Variants in NOTO observed in about 807,000 individuals in gnomAD.
NOTO encodes the protein homeobox protein notochord.
A neutral mutation model predicts 20.5 loss-of-function variants in NOTO; 19 were observed. The observed-to-expected ratio is 0.93, with a 90% CI of 0.65 to 1.36. The LOEUF (loss-of-function observed/expected upper bound fraction) is 1.36. Among genes scored for constraint, NOTO ranks in the 40% most tolerant of loss-of-function variants. The pLI is 0.00. For missense variants in NOTO, 369 were observed against 336.2 expected, an observed-to-expected ratio of 1.10 and a Z score of -0.76; for synonymous variants, 150 against 150.2, an observed-to-expected ratio of 1.00 and a Z score of 0.01.
At chr2:73,207,348 C>G (rs955286886) in intron 1 of NOTO, among the ~76,000 whole-genome samples, 2 of 152,176 alleles carry the variant, frequency 1.3e-5, no homozygotes, top group African/African-American at 4.8e-5. Context: ...CTCCCCAAGG[C>G]TAGTGGGGGC....
rs745707352 is a variant in NOTO, at chr2:73,202,967, G to C, written c.301G>C (p.Ala101Pro). 108 of 1,508,740 alleles carry C rather than the reference G, an allele frequency of 7.2e-5. No homozygotes were observed. Among genetic ancestry groups the C allele is most frequent in the Non-Finnish European group, 9.2e-5 (104 of 1,132,296 alleles). 93.5% of individuals were successfully genotyped at this position (1,508,740 alleles called of 1,614,324 possible). The stretch of plus-strand genomic sequence containing the variant: ...GGCTTGCCCGACATCGTGGCTGCCC[G>C]CCTACCTGAGCGTAGGTTTTTACCC... ...PWACPTSWLP[A>P]YLSVGFYPVP... The change falls in exon 1 of 3, where the codon GCC becomes CCC. Residue 101 changes from alanine to proline, a missense_variant. Coordinates refer to ENST00000398468, the MANE Select transcript of NOTO (RefSeq NM_001134462.2).
At chr2:73,206,727 T>C (rs868438273) in intron 1 of NOTO, among the ~76,000 whole-genome samples, 12 of 151,752 alleles carry the variant, frequency 7.9e-5, no homozygotes, top group African/African-American at 2.7e-4. Flanking sequence ...CAGAAGTACA[T>C]TGTCTTGCCC....
At position 73,210,778 on chromosome 2, in the gene NOTO, T is replaced by C; in HGVS notation, c.605T>C (p.Val202Ala). The change falls in exon 3 of 3, where the codon GTC (valine) becomes GCC (alanine). Residue 202 changes from valine to alanine, a missense_variant. Coordinates refer to ENST00000398468, the MANE Select transcript of NOTO (RefSeq NM_001134462.2). ...CCCACTCTCCAATTATAGGTGAGAG[T>C]CTGGTTCCAGAACCGCAGGGTCAAG... ...RLKLTENQVR[V>A]WFQNRRVKYQ... 3 of 1,549,886 alleles carry C rather than the reference T, an allele frequency of 1.9e-6. No individual in the cohort carries two copies. The South Asian group carries it at 3.6e-5, about 18-fold the overall frequency.
Position 73,211,160 on chromosome 2 carries a change from G to T in NOTO, c.*231G>T, listed in dbSNP as rs540575089. On this transcript the variant is annotated 3_prime_UTR_variant, in exon 3 of 3. Coordinates refer to ENST00000398468, the MANE Select transcript of NOTO (RefSeq NM_001134462.2). ...TCCTTGGCCAACCTATGGAACTTCC[G>T]AGCCTTTTTTCTTTATCTGTATAAT... 6.1e-6 allele frequency: 3 copies of T among 488,718 alleles called. No homozygotes were observed. The highest frequency in any genetic ancestry group is 7.3e-6 in the Non-Finnish European group (2 of 275,658). The allele number at this position is 488,718 out of a possible 1,614,324, so 30.3% of individuals were successfully genotyped here.
intron 1 of NOTO, among the ~76,000 whole-genome samples, chr2:73,205,420 C>T (rs1406971218): frequency 1.3e-5 from 2 of 152,130 alleles, no homozygotes; most frequent in Admixed American, 1.3e-4. Context: ...ATTGCTTGTG[C>T]CTGGGAGGCA....
chr2:73,202,761 C>G lies in NOTO; in HGVS notation c.95C>G (p.Ser32Cys). The G allele has an allele frequency of 6.6e-7, 1 of 1,521,122 alleles. No individual in the cohort carries two copies. Among genetic ancestry groups the G allele is most frequent in the Non-Finnish European group, 8.8e-7 (1 of 1,140,326 alleles). The allele number at this position is 1,521,122 out of a possible 1,614,324, so 94.2% of individuals were successfully genotyped here. ...PRSGRSPAPR[S>C]PTGPNTPRAP... is the part of the protein sequence containing the mutation. ...TCTGGCCGCTCTCCGGCGCCCAGGT[C>G]CCCTACTGGCCCGAACACGCCCCGC... is the stretch of plus-strand genomic sequence containing the variant. Residue 32 changes from serine (S) to cysteine (C), a missense_variant, in exon 1 of 3, where the codon TCC (serine) becomes TGC (cysteine). By Grantham distance (112) the Ser-to-Cys change is moderately radical. Coordinates refer to ENST00000398468, the MANE Select transcript of NOTO (RefSeq NM_001134462.2).
chr2:73,210,192 C>T (rs1412290816), intron 2 of NOTO, among the ~76,000 whole-genome samples: 1 of 152,166 alleles, frequency 6.6e-6, no homozygotes, highest in Non-Finnish European at 1.5e-5. Flanking sequence ...GATCTGGCAC[C>T]CGCTGACCTC....
At chr2:73,208,660 A>G in intron 2 of NOTO, 46 bp downstream of exon 2, 1 of 1,220,782 alleles carries the variant, frequency 8.2e-7, no homozygotes, top group Non-Finnish European at 1.2e-6. Flanking sequence ...CCTGGGGACA[A>G]ACACTACCTC....
rs1410330911 is a variant in NOTO, at chr2:73,210,869, T to C, written c.696T>C (p.Pro232=). The part of the protein sequence containing the change: ...TSAEAASLDE[P]SSSSIASIQS... ...CCGAGGCTGCCTCCCTGGATGAGCC[T>C]TCCAGCAGCTCCATCGCCAGTATCC... Residue 232 remains proline, a synonymous_variant, in exon 3 of 3, where the codon CCT becomes CCC. Transcript: ENST00000398468. 1 of 1,551,542 alleles carries C rather than the reference T, an allele frequency of 6.4e-7. No individual in the cohort carries two copies. Among genetic ancestry groups the C allele is most frequent in the African/African-American group, 1.4e-5 (1 of 73,054 alleles).
intron 1 of NOTO, 46 bp downstream of exon 1, chr2:73,203,094 G>A: frequency 9.5e-6 from 13 of 1,362,892 alleles, no homozygotes; most frequent in Non-Finnish European, 1.2e-5. Flanking sequence ...GGCGGGGGCT[G>A]GAGAGCCTAG....
rs989902827 is a variant in NOTO at position 73,210,841 on chromosome 2, C to G, written c.668C>G (p.Ser223Cys). ...CAAAAGCTGAGGGCAGCAGTTACAT[C>G]TGCCGAGGCTGCCTCCCTGGATGAG... ...KQQKLRAAVTSAEAASLDEPS... is the reference protein window; with the variant it reads ...KQQKLRAAVTCAEAASLDEPS... Residue 223 changes from serine to cysteine, a missense_variant, in exon 3 of 3, where the codon TCT (serine) becomes TGT (cysteine). Physicochemically the swap from Ser to Cys is moderately radical, Grantham distance 112. Coordinates refer to ENST00000398468, the MANE Select transcript of NOTO (RefSeq NM_001134462.2). 12 of 1,551,648 alleles carry G rather than the reference C, an allele frequency of 7.7e-6. No individual in the cohort carries two copies. The highest frequency in any genetic ancestry group is 1.7e-4 in the Middle Eastern group (1 of 5,992).
Position 73,202,906 on chromosome 2 carries a change from C to T in NOTO, c.240C>T (p.Thr80=), listed in dbSNP as rs1473837884. ...GSACVHPAFW[T]AASLCATGGL... ...CCTGCGTCCACCCGGCCTTCTGGAC[C>T]GCTGCTTCCCTGTGCGCCACCGGGG... The change falls in exon 1 of 3, where the codon ACC becomes ACT. Residue 80 remains threonine (T), a synonymous_variant. Coordinates refer to ENST00000398468, the MANE Select transcript of NOTO (RefSeq NM_001134462.2). The T allele has an allele frequency of 3.3e-6, 5 of 1,526,888 alleles. No individual in the cohort carries two copies. Among genetic ancestry groups the T allele is most frequent in the Non-Finnish European group, 4.4e-6 (5 of 1,141,734 alleles). The allele number at this position is 1,526,888 out of a possible 1,614,324, so 94.6% of individuals were successfully genotyped here.
intron 1 of NOTO, among the ~76,000 whole-genome samples, chr2:73,203,476 A>C (rs1328813866): frequency 1.4e-5 from 2 of 147,406 alleles, no homozygotes; most frequent in Admixed American, 6.7e-5. Context: ...TTTTTTTTTT[A>C]CGGGGTAGGG....
intron 1 of NOTO, among the ~76,000 whole-genome samples, chr2:73,205,523 T>A (rs1377044527): frequency 6.6e-6 from 1 of 152,240 alleles, no homozygotes; most frequent in Admixed American, 6.5e-5. Flanking sequence ...AAATTAGCCC[T>A]TTAACTGTAA....
intron 2 of NOTO, among the ~76,000 whole-genome samples, chr2:73,208,983 A>C (rs531640103): frequency 6.6e-6 from 1 of 152,044 alleles, no homozygotes; most frequent in African/African-American, 2.4e-5. Flanking sequence ...TCAGGAGTTC[A>C]AGACCAGCCC....
chr2:73,208,055 T>C (rs1411302186), intron 1 of NOTO, among the ~76,000 whole-genome samples: 20 of 152,248 alleles, frequency 1.3e-4, no homozygotes, highest in Admixed American at 1.3e-3. Flanking sequence ...GTCTCTTCTC[T>C]GCCCATTCCA....
At chr2:73,205,997 A>C (rs1686083838) in intron 1 of NOTO, among the ~76,000 whole-genome samples, 1 of 152,134 alleles carries the variant, frequency 6.6e-6, no homozygotes, top group Admixed American at 6.5e-5. Context: ...TCAGCCTCCC[A>C]AACTGCTGGG....
chr2:73,202,881 C>A lies in NOTO; in HGVS notation c.215C>A (p.Ala72Asp). 6.5e-7 allele frequency: 1 copy of A among 1,527,760 alleles called. No homozygotes were observed. Among genetic ancestry groups the A allele is most frequent in the South Asian group, 1.2e-5 (1 of 83,140 alleles). 94.6% of individuals were successfully genotyped at this position (1,527,760 alleles called of 1,614,324 possible). A position where few individuals can be genotyped will look rare whatever the true frequency, so the allele number is the denominator to read the frequency against. ...GCGGCCTCCCAGCCGTCGGGCTCCG[C>A]CTGCGTCCACCCGGCCTTCTGGACC... ...APAASQPSGS[A>D]CVHPAFWTAA... Residue 72 changes from alanine (A) to aspartate (D), a missense_variant, in exon 1 of 3, where the codon GCC becomes GAC. By Grantham distance (126) the Ala-to-Asp change is moderately radical. Coordinates refer to ENST00000398468, the MANE Select transcript of NOTO (RefSeq NM_001134462.2).
In NOTO at chr2:73,210,944, G is replaced by A. The variant is rs1272941189; in HGVS notation, c.*15G>A. 2 of 1,543,544 alleles carry A rather than the reference G, an allele frequency of 1.3e-6. No homozygotes were observed. Among genetic ancestry groups the A allele is most frequent in the Non-Finnish European group, 1.8e-6 (2 of 1,141,408 alleles). On this transcript the variant is annotated 3_prime_UTR_variant, in exon 3 of 3. Transcript: ENST00000398468. ...TGGACGGCTGAAGACTGGGACAGAG[G>A]CCCTAGCCAGGCTGCCTGGACTAGT...
Sources: gnomAD v4.1 joint callset for allele counts (sites outside exome capture counted in the v4.1 genomes callset) on GRCh38, gnomAD v4.1.1 for gene constraint, MANE v1.5 for transcripts, NCBI Gene and HGNC (gene_info 2026-07-23, HGNC 2026-07-21) for gene names.